The following FSHR variants were observed in gnomAD, a reference collection of about 807,000 sequenced individuals.
FSHR encodes follicle stimulating hormone receptor, also known as follicle-stimulating hormone receptor.
FSHR carries 46 observed loss-of-function variants against 52.1 expected under a neutral mutation model. The ratio of observed to expected loss-of-function variants is 0.88; its 90% confidence interval spans 0.70 to 1.13. The LOEUF (loss-of-function observed/expected upper bound fraction) is 1.13. Among genes scored for constraint, FSHR ranks in the 50% most tolerant of loss-of-function variants. The pLI, the probability that FSHR is intolerant of heterozygous loss-of-function variation, is 0.00. For synonymous variants in FSHR, 399 were observed against 309.6 expected, an observed-to-expected ratio of 1.29 and a Z score of -3.03; for missense variants, 964 against 834.6, an observed-to-expected ratio of 1.16 and a Z score of -1.91.
At chr2:49,058,894 T>C (rs1304361260) in intron 2 of FSHR, among the ~76,000 whole-genome samples, 1 of 152,184 alleles carries the variant, frequency 6.6e-6, no homozygotes, top group African/African-American at 2.4e-5. Flanking sequence ...AATCTAAAGA[T>C]TCAATGCAAT....
chr2:49,147,015 A>G (rs890421261), intron 1 of FSHR, among the ~76,000 whole-genome samples: 1 of 152,092 alleles, frequency 6.6e-6, no homozygotes, highest in Non-Finnish European at 1.5e-5. Flanking sequence ...TCTGAAGACT[A>G]AAAGTATAAT....
chr2:48,963,844 A>G lies in FSHR; in HGVS notation c.977T>C (p.Phe326Ser). The G allele has an allele frequency of 6.2e-7, 1 of 1,614,142 alleles. No homozygotes were observed. Among genetic ancestry groups the G allele is most frequent in the Non-Finnish European group, 8.5e-7 (1 of 1,180,018 alleles). Reference protein sequence around the residue: ...EDNESSYSRGFDMTYTEFDYD... With the variant: ...EDNESSYSRGSDMTYTEFDYD... Reference sequence around the variant, plus strand: ...GTCAAACTCAGTGTACGTCATGTCAAATCCTCTGCTGTAGCTGGACTCATT... The same window carrying G: ...GTCAAACTCAGTGTACGTCATGTCAGATCCTCTGCTGTAGCTGGACTCATT... Residue 326 changes from phenylalanine (F) to serine (S), a missense_variant, in exon 10 of 10, where the codon TTT (phenylalanine) becomes TCT (serine). By Grantham distance (155) the Phe-to-Ser change is radical. Coordinates refer to ENST00000406846, the MANE Select transcript of FSHR (RefSeq NM_000145.4).
intron 6 of FSHR, among the ~76,000 whole-genome samples, chr2:48,984,311 C>A (rs1010658626): frequency 6.6e-6 from 1 of 152,144 alleles, no homozygotes; most frequent in African/African-American, 2.4e-5. Context: ...CTATGCACCC[C>A]CAATGCCATT....
intron 1 of FSHR, among the ~76,000 whole-genome samples, chr2:49,145,941 T>C (rs944810901): frequency 1.3e-5 from 2 of 151,894 alleles, no homozygotes; most frequent in Non-Finnish European, 2.9e-5. Context: ...ATAAAACATA[T>C]TTGGAAGCTG....
At chr2:49,152,352 A>G (rs79562980) in intron 1 of FSHR, among the ~76,000 whole-genome samples, 4,371 of 152,206 alleles carry the variant, frequency 0.029, 98 homozygotes, top group Middle Eastern at 0.054. Flanking sequence ...TAGTTGCAAA[A>G]TGCTCTTGGC....
At chr2:48,985,411 CTGTAACGCATATCA>C (rs1675455288) in intron 6 of FSHR, among the ~76,000 whole-genome samples, 1 of 93,852 alleles carries the variant, frequency 1.1e-5, no homozygotes, top group East Asian at 3.4e-4. Flanking sequence ...GTGCTGGGCA[CTGTAACGCATATCA>C]CTCATTTTAT....
intron 3 of FSHR, among the ~76,000 whole-genome samples, chr2:49,019,841 T>A (rs966043782): frequency 6.6e-6 from 1 of 152,156 alleles, no homozygotes; most frequent in African/African-American, 2.4e-5. Context: ...CTGGGCAAAG[T>A]TCTTGGGTCT....
At chr2:49,149,986 A>C (rs956309346) in intron 1 of FSHR, among the ~76,000 whole-genome samples, 1 of 152,044 alleles carries the variant, frequency 6.6e-6, no homozygotes, top group African/African-American at 2.4e-5. Flanking sequence ...GACCCTGCTG[A>C]AGAAAAACAT....
At chr2:49,010,462 T>G (rs1667228559) in intron 4 of FSHR, among the ~76,000 whole-genome samples, 2 of 152,224 alleles carry the variant, frequency 1.3e-5, no homozygotes, top group Admixed American at 6.5e-5. Context: ...GCATCAATGT[T>G]CATCAGGGAT....
In FSHR at chr2:49,021,899, A is replaced by AGAGAGAGAGAGAGAGAGAGG. The variant is rs1667737662; in HGVS notation, c.225-1740_225-1739insCCTCTCTCTCTCTCTCTCTC. 1.3e-4 allele frequency among the ~76,000 whole-genome samples: 10 copies of AGAGAGAGAGAGAGAGAGAGG among 77,124 alleles called. No homozygotes were observed. In the Admixed American group the frequency reaches 1.4e-3, roughly 11 times the overall value. 50.6% of individuals were successfully genotyped at this position (77,124 alleles called of 152,430 possible). A position where few individuals can be genotyped will look rare whatever the true frequency, so the allele number is the denominator to read the frequency against. On this transcript the variant is annotated intron_variant, in intron 2 of 9. Coordinates refer to ENST00000406846, the MANE Select transcript of FSHR (RefSeq NM_000145.4). ...TATATATATATATAGAGAGAGAGAG[A>AGAGAGAGAGAGAGAGAGAGG]GAGAGAGAGAGAGAGAGAGAGAATG...
At chr2:49,026,326 G>A (rs191502773) in intron 2 of FSHR, among the ~76,000 whole-genome samples, 10 of 152,266 alleles carry the variant, frequency 6.6e-5, no homozygotes, top group African/African-American at 2.4e-4. Flanking sequence ...CAGTAGATGA[G>A]CAAAGGGACT....
rs1399096272 is a variant in FSHR, at chr2:48,963,258, A to G, written c.1563T>C (p.Asp521=). The part of the protein sequence containing the change: ...YMKVSICLPM[D]IDSPLSQLYV... Reference sequence around the variant, plus strand: ...ACAGCTGTGACAAAGGGCTGTCAATATCCATGGGCAGGCAGATGCTCACCT... The same window carrying G: ...ACAGCTGTGACAAAGGGCTGTCAATGTCCATGGGCAGGCAGATGCTCACCT... The change falls in exon 10 of 10, where the codon GAT becomes GAC. Residue 521 remains aspartate (D), a synonymous_variant. Coordinates refer to ENST00000406846, the MANE Select transcript of FSHR (RefSeq NM_000145.4). The G allele has an allele frequency of 1.2e-6, 2 of 1,614,140 alleles. No homozygotes were observed. Among genetic ancestry groups the G allele is most frequent in the Admixed American group, 1.7e-5 (1 of 60,020 alleles).
At chr2:49,094,454 T>C (rs952222656) in intron 1 of FSHR, among the ~76,000 whole-genome samples, 5 of 152,238 alleles carry the variant, frequency 3.3e-5, no homozygotes, top group African/African-American at 9.6e-5. Flanking sequence ...TTATGTTCTG[T>C]TTCCTTTTTG....
Position 49,118,757 on chromosome 2 carries a change from G to T in FSHR, c.152+35509C>A, listed in dbSNP as rs576148669. Among the ~76,000 whole-genome samples, 76 of 152,160 alleles carry T rather than the reference G, an allele frequency of 5.0e-4. 1 individual carries two copies. The Middle Eastern group carries it at 0.02, about 41-fold the overall frequency. On this transcript the variant is annotated intron_variant, in intron 1 of 9. Coordinates refer to ENST00000406846, the MANE Select transcript of FSHR (RefSeq NM_000145.4). Reference sequence around the variant, plus strand: ...CCCACCAGCACCATATCCGTTCCAGGAACACCCATATTTGGTGTAAAAGTG... The same window carrying T: ...CCCACCAGCACCATATCCGTTCCAGTAACACCCATATTTGGTGTAAAAGTG...
At chr2:49,040,508 T>C (rs1031553272) in intron 2 of FSHR, among the ~76,000 whole-genome samples, 10 of 152,222 alleles carry the variant, frequency 6.6e-5, no homozygotes, top group African/African-American at 1.9e-4. Flanking sequence ...TCTGTCTGTT[T>C]TGTCAAGGTT....
At chr2:49,102,195 T>C (rs181416998) in intron 1 of FSHR, among the ~76,000 whole-genome samples, 11 of 152,270 alleles carry the variant, frequency 7.2e-5, no homozygotes, top group Admixed American at 3.9e-4. Context: ...CCCAGATGTG[T>C]GCATTTCTAC....
chr2:49,085,247 C>T (rs188152309), intron 1 of FSHR, among the ~76,000 whole-genome samples: 8,561 of 99,930 alleles, frequency 0.086, no homozygotes, highest in Non-Finnish European at 0.1. Flanking sequence ...ACAAAACCCA[C>T]ATGATTATCT....
intron 1 of FSHR, among the ~76,000 whole-genome samples, chr2:49,127,818 T>C (rs867382984): frequency 0.034 from 2,347 of 68,250 alleles, 329 homozygotes; most frequent in African/African-American, 0.13. Context: ...CTTCTTCTTC[T>C]TCTTCTTCTT....
chr2:49,015,538 A>G (rs561607574), intron 4 of FSHR, among the ~76,000 whole-genome samples: 1 of 152,172 alleles, frequency 6.6e-6, no homozygotes. Flanking sequence ...GATTGGCCCA[A>G]GATTTCTCAA....
Sources: allele counts gnomAD v4.1 joint callset (sites outside exome capture counted in the v4.1 genomes callset), GRCh38; gene constraint gnomAD v4.1.1; transcripts MANE v1.5; gene names NCBI Gene and HGNC (gene_info 2026-07-23, HGNC 2026-07-21).